Variants in CPEB3 observed in about 807,000 individuals in gnomAD.
CPEB3 encodes cytoplasmic polyadenylation element-binding protein 3.
Under a neutral mutation model 67.2 loss-of-function variants are expected in CPEB3, and 20 were observed. That is an observed-to-expected ratio of 0.30 (90% CI 0.21 to 0.43). The LOEUF (loss-of-function observed/expected upper bound fraction) is 0.43. Among genes scored for constraint, CPEB3 ranks in the 20% least tolerant of loss-of-function variants. CPEB3 has a pLI of 1.00. For missense variants in CPEB3, 746 were observed against 968.6 expected, an observed-to-expected ratio of 0.77 and a Z score of 3.05; for synonymous variants, 376 against 393.1, an observed-to-expected ratio of 0.96 and a Z score of 0.51.
At chr10:92,106,814 C>CAAAAAAAAAAAAAAAAAAAAAAAAAAAAA (rs531195477) in intron 7 of CPEB3, among the ~76,000 whole-genome samples, 58 of 55,966 alleles carry the variant, frequency 1.0e-3, no homozygotes, top group African/African-American at 2.1e-3. Context: ...GACTCTGTCT[C>CAAAAAAAAAAAAAAAAAAAAAAAAAAAAA]AAAAAAAAAA....
At chr10:92,099,381 G>C (rs1260007249) in intron 7 of CPEB3, among the ~76,000 whole-genome samples, 1 of 147,884 alleles carries the variant, frequency 6.8e-6, no homozygotes, top group Non-Finnish European at 1.5e-5. Flanking sequence ...TGAACTTAGG[G>C]GCCCAAGCAA....
intron 7 of CPEB3, among the ~76,000 whole-genome samples, chr10:92,107,452 T>C (rs1416252847): frequency 1.3e-5 from 2 of 152,218 alleles, no homozygotes; most frequent in Non-Finnish European, 2.9e-5. Flanking sequence ...GAACCTTAAA[T>C]AGCTCCTTCT....
At chr10:92,199,679 C>CAAAA (rs59100106) in intron 2 of CPEB3, among the ~76,000 whole-genome samples, 2 of 71,068 alleles carry the variant, frequency 2.8e-5, no homozygotes, top group African/African-American at 6.3e-5. Context: ...GACTCCATCT[C>CAAAA]AAAAAAAAAA....
At chr10:92,059,660 T>A (rs1307115573) in intron 9 of CPEB3, among the ~76,000 whole-genome samples, 1 of 151,758 alleles carries the variant, frequency 6.6e-6, no homozygotes, top group African/African-American at 2.4e-5. Flanking sequence ...AAAAAGACAA[T>A]AGAAAAGTTA....
intron 1 of CPEB3, among the ~76,000 whole-genome samples, chr10:92,265,286 A>G (rs1853003590): frequency 6.6e-6 from 1 of 152,138 alleles, no homozygotes; most frequent in Non-Finnish European, 1.5e-5. Context: ...AACAAGCCCT[A>G]TTCAGATTGT....
At chr10:92,053,603 A>C (rs1460995046) in intron 9 of CPEB3, among the ~76,000 whole-genome samples, 1 of 138,778 alleles carries the variant, frequency 7.2e-6, no homozygotes, top group African/African-American at 2.7e-5. Context: ...GTGCAGTGGC[A>C]CGATCTCGGC....
chr10:92,052,238 G>C lies in CPEB3; in HGVS notation c.2071C>G (p.Arg691Gly). 6.2e-7 allele frequency: 1 copy of C among 1,613,750 alleles called. No individual in the cohort carries two copies. Among genetic ancestry groups the C allele is most frequent in the Non-Finnish European group, 8.5e-7 (1 of 1,179,840 alleles). The change falls in exon 10 of 10, where the codon CGT becomes GGT. Residue 691 changes from arginine (R) to glycine (G), a missense_variant. By Grantham distance (125) the Arg-to-Gly change is moderately radical (BLOSUM62 -2). Coordinates refer to ENST00000265997, the MANE Select transcript of CPEB3 (RefSeq NM_014912.5). The part of the protein sequence containing the change: ...PLVKEGGDRP[R>G]HVPFRWS Reference sequence around the variant, plus strand: ...CAGCTCCAGCGGAACGGGACGTGACGAGGGCGGTCGCCTCCCTCCTTCACC... The same window carrying C: ...CAGCTCCAGCGGAACGGGACGTGACCAGGGCGGTCGCCTCCCTCCTTCACC...
intron 1 of CPEB3, among the ~76,000 whole-genome samples, chr10:92,243,716 A>G (rs1271534084): frequency 6.6e-6 from 1 of 152,164 alleles, no homozygotes; most frequent in African/African-American, 2.4e-5. Context: ...ACACTTAAAT[A>G]ATTTTTTAAA....
At chr10:92,252,404 C>T (rs1158240056) in intron 1 of CPEB3, among the ~76,000 whole-genome samples, 3 of 152,114 alleles carry the variant, frequency 2.0e-5, no homozygotes, top group African/African-American at 7.2e-5. Flanking sequence ...TAAAGCTAAA[C>T]ATTCACAAAC....
intron 4 of CPEB3, among the ~76,000 whole-genome samples, chr10:92,146,789 C>A (rs1398923064): frequency 6.6e-6 from 1 of 152,168 alleles, no homozygotes; most frequent in Non-Finnish European, 1.5e-5. Flanking sequence ...CAGCAACAAA[C>A]AATAGACAGT....
chr10:92,177,499 T>TGGGA (rs1848274670), intron 4 of CPEB3, among the ~76,000 whole-genome samples: 1 of 152,170 alleles, frequency 6.6e-6, no homozygotes, highest in Non-Finnish European at 1.5e-5. Context: ...GCCTGCCAAT[T>TGGGA]CTTACTATTA....
chr10:92,190,075 C>T (rs1848890453), intron 3 of CPEB3, among the ~76,000 whole-genome samples: 1 of 151,814 alleles, frequency 6.6e-6, no homozygotes, highest in South Asian at 2.1e-4. Context: ...GTCAGAAGTT[C>T]GAGACCAGCC....
At chr10:92,246,790 A>C (rs1286569621) in intron 1 of CPEB3, among the ~76,000 whole-genome samples, 2 of 152,016 alleles carry the variant, frequency 1.3e-5, no homozygotes, top group Non-Finnish European at 2.9e-5. Flanking sequence ...TTACAGGCAT[A>C]AGCCACCACG....
In CPEB3 at chr10:92,198,316, G is replaced by A. The variant is rs140269950; in HGVS notation, c.1006-5680C>T. On this transcript the variant is annotated intron_variant, in intron 2 of 9. Coordinates refer to ENST00000265997, the MANE Select transcript of CPEB3 (RefSeq NM_014912.5). ...ACAAACACTCCCTTTAACTTAATCTGTCACAATCCAGAGACAGGTTTCTTT... is the reference window on the plus strand; with the variant it reads ...ACAAACACTCCCTTTAACTTAATCTATCACAATCCAGAGACAGGTTTCTTT... 5.4e-3 allele frequency among the ~76,000 whole-genome samples: 814 copies of A among 152,130 alleles called. 9 individuals are homozygous for A. The highest frequency in any genetic ancestry group is 6.9e-3 in the Non-Finnish European group (466 of 68,014).
rs577858402 is a variant in CPEB3, at chr10:92,232,204, C to G, written c.1005+7142G>C. ...AGTAGCTGGGATTACAGGCACCCACCACCACACCCAGCTAATATTTGTAGT... is the reference window on the plus strand; with the variant it reads ...AGTAGCTGGGATTACAGGCACCCACGACCACACCCAGCTAATATTTGTAGT... On this transcript the variant is annotated intron_variant, in intron 2 of 9. Transcript: ENST00000265997. 8.0e-5 allele frequency among the ~76,000 whole-genome samples: 12 copies of G among 150,378 alleles called. No individual in the cohort carries two copies. In the East Asian group the frequency reaches 2.0e-3, roughly 25 times the overall value.
intron 1 of CPEB3, among the ~76,000 whole-genome samples, chr10:92,289,757 A>ATG (rs1842737097): frequency 7.7e-6 from 1 of 129,960 alleles, no homozygotes; most frequent in East Asian, 2.1e-4. Context: ...ATATATATAT[A>ATG]TGTATTATAT....
chr10:92,063,862 C>G lies in CPEB3; in HGVS notation c.1870-11423G>C, dbSNP rs746548075. Among the ~76,000 whole-genome samples the G allele has an allele frequency of 9.9e-5, 15 of 151,348 alleles. No individual in the cohort carries two copies. In the South Asian group the frequency reaches 1.7e-3, roughly 17 times the overall value. ...AAGTAGAAACAAGGATTTCAGATAA[C>G]AGAATCAAAGTAGACAAGCTGGAAA... On this transcript the variant is annotated intron_variant, in intron 9 of 9. Coordinates refer to ENST00000265997, the MANE Select transcript of CPEB3 (RefSeq NM_014912.5).
chr10:92,142,168 C>G (rs182589594), intron 6 of CPEB3, among the ~76,000 whole-genome samples: 1 of 152,086 alleles, frequency 6.6e-6, no homozygotes, highest in Non-Finnish European at 1.5e-5. Context: ...TAAAAGGAAG[C>G]CACTTGCCTT....
At chr10:92,128,254 G>A (rs1845689609) in intron 6 of CPEB3, among the ~76,000 whole-genome samples, 1 of 152,126 alleles carries the variant, frequency 6.6e-6, no homozygotes, top group Non-Finnish European at 1.5e-5. Flanking sequence ...TGGCTTCCCT[G>A]GGCCACACTT....
Sources: gnomAD v4.1 joint callset for allele counts (sites outside exome capture counted in the v4.1 genomes callset) on GRCh38, gnomAD v4.1.1 for gene constraint, MANE v1.5 for transcripts, NCBI Gene and HGNC (gene_info 2026-07-23, HGNC 2026-07-21) for gene names.